Variants in TAF9 observed in about 807,000 individuals in gnomAD.
TAF9 encodes the protein transcription initiation factor TFIID subunit 9.
A neutral mutation model predicts 16.5 loss-of-function variants in TAF9; 10 were observed. The observed-to-expected ratio is 0.61, with a 90% CI of 0.37 to 1.03. The LOEUF is 1.03. TAF9 is among the 50% of genes least tolerant of loss of function. The pLI is 0.01. For missense variants in TAF9, 288 were observed against 319.1 expected (o/e 0.90, Z 0.74); for synonymous variants, 105 against 120.5 (o/e 0.87, Z 0.84).
chr5:69,365,693 A>G lies in TAF9; in HGVS notation c.45T>C (p.Asp15=). The G allele has an allele frequency of 6.3e-7, 1 of 1,590,538 alleles. No homozygotes were observed. Among genetic ancestry groups the G allele is most frequent in the Non-Finnish European group, 8.6e-7 (1 of 1,165,940 alleles). The change falls in exon 3 of 3, where the codon GAT becomes GAC. Residue 15 remains aspartate, a synonymous_variant. Transcript: ENST00000217893. ...KTASPKSMPK[D]AQMMAQILKD... is the part of the protein sequence containing the mutation. ...TCAGGATTTGTGCCATCATCTGTGC[A>G]TCTTTCGGCATGCTCTTGGGAGAAG...
chr5:69,368,272 AC>A (rs1209060436), intron 1 of TAF9, among the ~76,000 whole-genome samples: 5 of 152,234 alleles, frequency 3.3e-5, no homozygotes, highest in Non-Finnish European at 5.9e-5. Context: ...TATTAAAATT[AC>A]ATTTCAAGAT....
rs1762369329 is a variant in TAF9 at position 69,365,247 on chromosome 5, G to A, written c.491C>T (p.Thr164Ile). 4.3e-6 allele frequency: 7 copies of A among 1,614,078 alleles called. No individual in the cohort carries two copies. The highest frequency in any genetic ancestry group is 5.9e-6 in the Non-Finnish European group (7 of 1,180,014). Residue 164 changes from threonine to isoleucine, a missense_variant, in exon 3 of 3, where the codon ACA (threonine) becomes ATA (isoleucine). By Grantham distance (89) the Thr-to-Ile change is moderately conservative (BLOSUM62 -1). Coordinates refer to ENST00000217893, the MANE Select transcript of TAF9 (RefSeq NM_003187.5). ...AACAGACATGGTCTGTGGGGTTGGT[G>A]TGCCTAGTGTGGGAGTACTTGGTCT... ...TSRPSTPTLGTPTPQTMSVST... is the reference protein window; with the variant it reads ...TSRPSTPTLGIPTPQTMSVST...
chr5:69,369,671 C>G, upstream of TAF9: 1 of 1,556,962 alleles, frequency 6.4e-7, no homozygotes, highest in Admixed American at 1.9e-5. Flanking sequence ...CTTTCGATGA[C>G]ACATTTCCGT....
At chr5:69,368,236 G>A (rs953675436) in intron 1 of TAF9, among the ~76,000 whole-genome samples, 1 of 152,008 alleles carries the variant, frequency 6.6e-6, no homozygotes, top group Non-Finnish European at 1.5e-5. Context: ...TATATACATT[G>A]TTCTTTACCT....
rs568680612 is a variant in TAF9 at position 69,365,081 on chromosome 5, G to A, written c.657C>T (p.Ile219=). 7.4e-6 allele frequency: 12 copies of A among 1,614,180 alleles called. No homozygotes were observed. The highest frequency in any genetic ancestry group is 6.7e-5 in the East Asian group (3 of 44,886). ...TGGTAATAAGAATGTTTTTGGACCC[G>A]ATTAATGATGGATTAATCAGAACAT... ...VQNVLINPSL[I]GSKNILITTN... Residue 219 remains isoleucine (I), a synonymous_variant, in exon 3 of 3, where the codon ATC becomes ATT. Transcript: ENST00000217893.
intron 1 of TAF9, 33 bp downstream of exon 1, chr5:69,369,430 C>T: frequency 6.2e-7 from 1 of 1,607,422 alleles, no homozygotes; most frequent in Non-Finnish European, 8.5e-7. Flanking sequence ...CCAGCCTGCC[C>T]CAGCCCAGTC....
intron 1 of TAF9, chr5:69,369,191 C>T (rs1253306302): frequency 1.4e-5 from 7 of 498,106 alleles, no homozygotes; most frequent in Non-Finnish European, 2.1e-5. Context: ...AAGCAGGTTG[C>T]CAAGCTGGAG....
In TAF9 at chr5:69,364,753, GACA is replaced by G. The variant is rs1762343249; in HGVS notation, c.*187_*189del. The G allele has an allele frequency of 3.0e-6, 2 of 676,584 alleles. No homozygotes were observed. The highest frequency in any genetic ancestry group is 1.8e-5 in the African/African-American group (1 of 56,236). 41.9% of individuals were successfully genotyped at this position (676,584 alleles called of 1,614,324 possible). A position where few individuals can be genotyped will look rare whatever the true frequency, so the allele number is the denominator to read the frequency against. ...CCAAAGCACCAACAATCGAATGAAT[GACA>G]ACTTTATTTTTCTTACACTTTTAAG... On this transcript the variant is annotated 3_prime_UTR_variant, in exon 3 of 3. Coordinates refer to ENST00000217893, the MANE Select transcript of TAF9 (RefSeq NM_003187.5).
At chr5:69,369,602 C>T, upstream of TAF9, 1 of 1,585,422 alleles carries the variant, frequency 6.3e-7, no homozygotes, top group Non-Finnish European at 8.6e-7. Flanking sequence ...GGCCCCGAAG[C>T]CCACCGCGGC....
intron 1 of TAF9, among the ~76,000 whole-genome samples, chr5:69,367,035 A>C (rs185319833): frequency 6.0e-4 from 91 of 152,246 alleles, no homozygotes; most frequent in Admixed American, 1.0e-3. Flanking sequence ...CTGGGATTAC[A>C]GGCGTGAGCC....
upstream of TAF9, chr5:69,369,785 G>T (rs1204138522): frequency 1.6e-5 from 23 of 1,398,158 alleles, no homozygotes; most frequent in Non-Finnish European, 2.3e-5. Context: ...CCCTTCGCTT[G>T]CGCCGACCAG....
intron 1 of TAF9, among the ~76,000 whole-genome samples, chr5:69,368,465 AG>A (rs1431227912): frequency 2.6e-5 from 4 of 152,320 alleles, no homozygotes; most frequent in South Asian, 2.1e-4. Flanking sequence ...TTCACTTTAA[AG>A]TTTTGACAAT....
At chr5:69,369,319 C>G (rs1363034260) in intron 1 of TAF9, 144 bp downstream of exon 1, 2 of 856,848 alleles carry the variant, frequency 2.3e-6, no homozygotes, top group East Asian at 3.4e-5. Flanking sequence ...AGGGTCGGCT[C>G]CCGGGGCGCT....
At chr5:69,369,557 A>G (rs1226612588), upstream of TAF9, 1 of 1,608,828 alleles carries the variant, frequency 6.2e-7, no homozygotes, top group Non-Finnish European at 8.5e-7. Context: ...AGGAGCCGGA[A>G]GGGGCGGGCG....
At chr5:69,368,987 T>C (rs1162658449) in intron 1 of TAF9, 1 of 163,172 alleles carries the variant, frequency 6.1e-6, no homozygotes, top group Non-Finnish European at 1.3e-5. Flanking sequence ...CGAAATCTAA[T>C]CTGAGGCGTT....
chr5:69,366,705 G>C lies in TAF9; in HGVS notation c.-110-110C>G. On this transcript the variant is annotated intron_variant, in intron 1 of 2. Transcript: ENST00000217893. ...TGAGACAGAGTCTCACCTGGCCTCT[G>C]CCCTTAAAAGTTCTTGACGACTGAA... 3 of 766,816 alleles carry C rather than the reference G, an allele frequency of 3.9e-6. No individual in the cohort carries two copies. The South Asian group carries it at 5.0e-5, about 13-fold the overall frequency. The allele number at this position is 766,816 out of a possible 1,614,324, so 47.5% of individuals were successfully genotyped here. A position where few individuals can be genotyped will look rare whatever the true frequency, so the allele number is the denominator to read the frequency against.
intron 1 of TAF9, 158 bp downstream of exon 1, chr5:69,369,305 C>T: frequency 2.8e-6 from 2 of 720,494 alleles, no homozygotes; most frequent in Non-Finnish European, 2.1e-6. Context: ...CCGCAACGCC[C>T]GCGAGGGTCG....
At chr5:69,369,608 G>A (rs1159530130), upstream of TAF9, 3 of 1,582,720 alleles carry the variant, frequency 1.9e-6, no homozygotes, top group Non-Finnish European at 1.7e-6. Context: ...GAAGCCCACC[G>A]CGGCGCCCCT....
At chr5:69,369,588 C>G (rs1762778466), upstream of TAF9, 1 of 1,599,828 alleles carries the variant, frequency 6.3e-7, no homozygotes, top group Non-Finnish European at 8.5e-7. Context: ...CCCACGGCCC[C>G]AAAGGCCCCG....
Sources: allele counts gnomAD v4.1 joint callset (sites outside exome capture counted in the v4.1 genomes callset), GRCh38; gene constraint gnomAD v4.1.1; transcripts MANE v1.5; gene names NCBI Gene and HGNC (gene_info 2026-07-23, HGNC 2026-07-21).